HS2ST1: variants seen among roughly 807,000 people sequenced by gnomAD.
The protein encoded by HS2ST1 is heparan sulfate 2-O-sulfotransferase 1, also known as 2-O-sulfotransferase.
HS2ST1 carries 18 observed loss-of-function variants against 42.9 expected under a neutral mutation model. The ratio of observed to expected loss-of-function variants is 0.42; its 90% confidence interval spans 0.29 to 0.62. The LOEUF (loss-of-function observed/expected upper bound fraction) is 0.62. Among genes scored for constraint, HS2ST1 ranks in the 20% least tolerant of loss-of-function variants. The probability of loss-of-function intolerance (pLI) is 0.21; values close to 1 mark genes in which losing one functional copy is unlikely to be tolerated. For synonymous variants in HS2ST1, 146 were observed against 152.9 expected, an observed-to-expected ratio of 0.95 and a Z score of 0.33; for missense variants, 334 against 433.8, an observed-to-expected ratio of 0.77 and a Z score of 2.04.
chr1:87,042,879 T>C (rs184067127), intron 1 of HS2ST1, among the ~76,000 whole-genome samples: 1 of 152,276 alleles, frequency 6.6e-6, no homozygotes, highest in Non-Finnish European at 1.5e-5. Flanking sequence ...TTCTGACTTT[T>C]TGTTTACGAG....
intron 1 of HS2ST1, among the ~76,000 whole-genome samples, chr1:87,058,300 C>T (rs570558411): frequency 6.6e-5 from 10 of 151,674 alleles, no homozygotes; most frequent in Non-Finnish European, 1.0e-4. Context: ...TTTGAAAGCC[C>T]GTTCTCTCTT....
intron 1 of HS2ST1, among the ~76,000 whole-genome samples, chr1:87,030,117 C>G (rs562908374): frequency 1.3e-5 from 2 of 152,278 alleles, no homozygotes; most frequent in African/African-American, 4.8e-5. Flanking sequence ...CCCTGGGGTC[C>G]TTAGCTAACC....
chr1:87,101,689 T>G (rs896875496), intron 5 of HS2ST1, among the ~76,000 whole-genome samples: 4 of 152,310 alleles, frequency 2.6e-5, no homozygotes, highest in African/African-American at 9.6e-5. Flanking sequence ...AAAGTTTCCC[T>G]CTTCTTCCTG....
intron 1 of HS2ST1, among the ~76,000 whole-genome samples, chr1:87,013,021 G>C (rs1235631517): frequency 6.6e-6 from 1 of 152,200 alleles, no homozygotes; most frequent in African/African-American, 2.4e-5. Context: ...CCTCCCTTGT[G>C]ACTGTGTTCA....
Position 87,010,669 on chromosome 1 carries a change from A to G in HS2ST1, c.125-62265A>G, listed in dbSNP as rs139059206. Among the ~76,000 whole-genome samples, 61 of 152,306 alleles carry G rather than the reference A, an allele frequency of 4.0e-4. No individual in the cohort carries two copies. In the East Asian group the frequency reaches 0.011, roughly 28 times the overall value. ...ATATTCATTTGGCTATAAATTTGAA[A>G]TATTTTGAAGTACCAAAGGTTTTAA... On this transcript the variant is annotated intron_variant, in intron 1 of 6. Coordinates refer to ENST00000370550, the MANE Select transcript of HS2ST1 (RefSeq NM_012262.4).
At chr1:87,088,647 T>G (rs951951021) in intron 3 of HS2ST1, among the ~76,000 whole-genome samples, 6 of 152,070 alleles carry the variant, frequency 3.9e-5, no homozygotes, top group Non-Finnish European at 7.4e-5. Context: ...CAAGTGATTG[T>G]ATCATTTTGC....
chr1:86,991,713 T>C (rs966989209), intron 1 of HS2ST1, among the ~76,000 whole-genome samples: 1 of 152,162 alleles, frequency 6.6e-6, no homozygotes, highest in Non-Finnish European at 1.5e-5. Flanking sequence ...CAAGGCTCTG[T>C]TTTCTCATCT....
intron 1 of HS2ST1, among the ~76,000 whole-genome samples, chr1:86,990,408 G>A (rs953051117): frequency 2.0e-5 from 3 of 152,038 alleles, no homozygotes; most frequent in East Asian, 2.0e-4. Context: ...ACATTTTTAC[G>A]TTGAATCTTG....
chr1:86,965,423 G>C (rs1199684598), intron 1 of HS2ST1, among the ~76,000 whole-genome samples: 1 of 152,144 alleles, frequency 6.6e-6, no homozygotes, highest in African/African-American at 2.4e-5. Flanking sequence ...TGGCCTTCCA[G>C]AATAGTTCCT....
Position 87,057,879 on chromosome 1 carries a change from CTG to C in HS2ST1, c.125-15053_125-15052del, listed in dbSNP as rs1041031543. Among the ~76,000 whole-genome samples, 66 of 151,618 alleles carry C rather than the reference CTG, an allele frequency of 4.4e-4. 1 individual carries two copies. Among genetic ancestry groups the C allele is most frequent in the African/African-American group, 1.5e-3 (63 of 41,000 alleles). On this transcript the variant is annotated intron_variant, in intron 1 of 6. Coordinates refer to ENST00000370550, the MANE Select transcript of HS2ST1 (RefSeq NM_012262.4). ...AAAAGAAAAAGAGAGAGAAAAAAAACTGTATTTTTTGTCTTAAGCTAAACAAA... is the reference window on the plus strand; with the variant it reads ...AAAAGAAAAAGAGAGAGAAAAAAAACTATTTTTTGTCTTAAGCTAAACAAA...
intron 1 of HS2ST1, among the ~76,000 whole-genome samples, chr1:86,949,710 G>A (rs1647446207): frequency 6.6e-6 from 1 of 152,236 alleles, no homozygotes; most frequent in African/African-American, 2.4e-5. Flanking sequence ...AGCCATGTGT[G>A]GCTAGTGGTT....
chr1:87,057,528 C>T (rs1053824853), intron 1 of HS2ST1, among the ~76,000 whole-genome samples: 1 of 151,230 alleles, frequency 6.6e-6, no homozygotes, highest in African/African-American at 2.4e-5. Flanking sequence ...ATGCTTCTTC[C>T]CTTTGCCTGG....
At chr1:87,018,392 C>T (rs1378485295) in intron 1 of HS2ST1, among the ~76,000 whole-genome samples, 1 of 152,220 alleles carries the variant, frequency 6.6e-6, no homozygotes, top group Non-Finnish European at 1.5e-5. Flanking sequence ...CATCTGCACT[C>T]AATGGCCTGT....
intron 1 of HS2ST1, among the ~76,000 whole-genome samples, chr1:87,059,073 T>C (rs1237414411): frequency 6.6e-6 from 1 of 152,006 alleles, no homozygotes; most frequent in East Asian, 1.9e-4. Context: ...AAATAAAAAA[T>C]GAATAAAATA....
At chr1:87,046,939 C>G (rs973793887) in intron 1 of HS2ST1, among the ~76,000 whole-genome samples, 14 of 150,786 alleles carry the variant, frequency 9.3e-5, no homozygotes, top group African/African-American at 3.4e-4. Context: ...AACTCCTGAC[C>G]GCAGGTGATC....
At chr1:87,010,106 T>G (rs745509468) in intron 1 of HS2ST1, among the ~76,000 whole-genome samples, 10 of 151,642 alleles carry the variant, frequency 6.6e-5, no homozygotes, top group Non-Finnish European at 1.5e-4. Context: ...CATAGCACTT[T>G]CACATTTCAT....
intron 1 of HS2ST1, among the ~76,000 whole-genome samples, chr1:87,022,970 A>G (rs17452535): frequency 0.14 from 20,741 of 152,174 alleles, 1,497 homozygotes; most frequent in African/African-American, 0.18. Flanking sequence ...GGAGGTACGT[A>G]TGATTTGTAT....
chr1:87,092,902 TTTTC>T (rs1306445059), intron 4 of HS2ST1, among the ~76,000 whole-genome samples: 1 of 151,986 alleles, frequency 6.6e-6, no homozygotes, highest in Non-Finnish European at 1.5e-5. Flanking sequence ...CGGAATCGTG[TTTTC>T]TTTATGGTTC....
At chr1:87,025,404 T>A (rs1043683191) in intron 1 of HS2ST1, among the ~76,000 whole-genome samples, 2 of 152,192 alleles carry the variant, frequency 1.3e-5, no homozygotes, top group African/African-American at 4.8e-5. Flanking sequence ...CTAGTGTTCC[T>A]TATTGGCAGA....
Sources: allele counts gnomAD v4.1 joint callset (sites outside exome capture counted in the v4.1 genomes callset), GRCh38; gene constraint gnomAD v4.1.1; transcripts MANE v1.5; gene names NCBI Gene and HGNC (gene_info 2026-07-23, HGNC 2026-07-21).